The following OTUD7A variants were observed in gnomAD, a reference collection of about 807,000 sequenced individuals.
The protein encoded by OTUD7A is OTU domain-containing protein 7A.
OTUD7A carries 12 observed loss-of-function variants against 65.7 expected under a neutral mutation model. That is an observed-to-expected ratio of 0.18 (90% confidence interval 0.12 to 0.30). The LOEUF (loss-of-function observed/expected upper bound fraction) is 0.30, where lower values mean the gene tolerates loss of function less well. Ranked by LOEUF, OTUD7A falls within the 10% of genes least tolerant of loss-of-function variation. The pLI is 1.00. For missense variants in OTUD7A, 1,148 were observed against 1,304.8 expected (o/e 0.88, Z 1.85); for synonymous variants, 641 against 586.3 (o/e 1.09, Z -1.35).
intron 3 of OTUD7A, among the ~76,000 whole-genome samples, chr15:31,642,457 C>T (rs1251340172): frequency 6.6e-6 from 1 of 152,118 alleles, no homozygotes; most frequent in African/African-American, 2.4e-5. Context: ...CCTGGAAGAG[C>T]TGGTATAATT....
At chr15:31,626,484 G>A (rs1387076014) in intron 3 of OTUD7A, among the ~76,000 whole-genome samples, 3 of 152,296 alleles carry the variant, frequency 2.0e-5, no homozygotes, top group Non-Finnish European at 2.9e-5. Flanking sequence ...AAATATTTGA[G>A]AGTGGTGGGT....
chr15:31,587,693 C>T (rs1889589654), intron 3 of OTUD7A, among the ~76,000 whole-genome samples: 1 of 151,982 alleles, frequency 6.6e-6, no homozygotes, highest in Non-Finnish European at 1.5e-5. Context: ...CCTTTGAAAC[C>T]CCAGGGACTT....
chr15:31,504,218 C>T (rs181030299), intron 8 of OTUD7A, among the ~76,000 whole-genome samples: 1 of 152,200 alleles, frequency 6.6e-6, no homozygotes, highest in East Asian at 1.9e-4. Context: ...TTATTTCTCT[C>T]AGGGACCCAG....
At chr15:31,755,225 GTATTAA>G (rs1241332294) in intron 1 of OTUD7A, among the ~76,000 whole-genome samples, 1 of 152,014 alleles carries the variant, frequency 6.6e-6, no homozygotes. Context: ...AAGTGAGGAA[GTATTAA>G]TAATATGTGG....
intron 3 of OTUD7A, among the ~76,000 whole-genome samples, chr15:31,584,845 G>A (rs768669408): frequency 2.4e-4 from 37 of 152,142 alleles, no homozygotes; most frequent in African/African-American, 6.5e-4. Flanking sequence ...ATTTCTCTCC[G>A]GTTTGGTGAT....
intron 8 of OTUD7A, among the ~76,000 whole-genome samples, chr15:31,507,635 G>C (rs1002889210): frequency 4.7e-5 from 3 of 64,084 alleles, no homozygotes; most frequent in Non-Finnish European, 8.8e-5. Flanking sequence ...GCTGCTGGCT[G>C]GGGGGCGGGG....
In OTUD7A at chr15:31,480,232, T is replaced by A. The variant is rs971550339; in HGVS notation, c.*3062A>T. 3 of 152,156 alleles carry A rather than the reference T, an allele frequency of 2.0e-5. No individual in the cohort carries two copies. Among genetic ancestry groups the A allele is most frequent in the African/African-American group, 7.2e-5 (3 of 41,426 alleles). 9.4% of individuals were successfully genotyped at this position (152,156 alleles called of 1,614,324 possible). On this transcript the variant is annotated 3_prime_UTR_variant, in exon 13 of 13. Transcript: ENST00000307050. ...AATTTCAACGTAACACAGCATAAAG[T>A]CTACCAACAGAATACACTGAAAAAC...
At chr15:31,503,895 C>A in intron 8 of OTUD7A, 77 bp from the exon 9 acceptor site, 3 of 1,554,948 alleles carry the variant, frequency 1.9e-6, no homozygotes, top group Non-Finnish European at 2.6e-6. Flanking sequence ...CTGCTTCATG[C>A]AGGGGCTGAG....
At chr15:31,837,758 T>C (rs1200040270) in intron 1 of OTUD7A, among the ~76,000 whole-genome samples, 1 of 152,190 alleles carries the variant, frequency 6.6e-6, no homozygotes, top group Non-Finnish European at 1.5e-5. Context: ...AAGGTGTTTT[T>C]GTAAATATGG....
rs116812397 is a variant in OTUD7A at position 31,699,535 on chromosome 15, T to C, written c.-99-42458A>G. ...GCTGCTCATGTAGCAATAATATGCT[T>C]ATGTGACCAGAAGGCTGCAAAAAGC... is the stretch of plus-strand genomic sequence containing the variant. On this transcript the variant is annotated intron_variant, in intron 1 of 12. Transcript: ENST00000307050. Among the ~76,000 whole-genome samples the C allele has an allele frequency of 7.1e-3, 1,080 of 152,228 alleles. 17 individuals are homozygous for C. Among genetic ancestry groups the C allele is most frequent in the African/African-American group, 0.024 (996 of 41,524 alleles).
chr15:31,538,561 C>T (rs57414557), intron 5 of OTUD7A, among the ~76,000 whole-genome samples: 9,417 of 152,148 alleles, frequency 0.062, 985 homozygotes, highest in African/African-American at 0.22. Context: ...CTCACACATC[C>T]AGGACAAAAT....
intron 1 of OTUD7A, among the ~76,000 whole-genome samples, chr15:31,735,706 C>A (rs942930664): frequency 6.6e-6 from 1 of 152,218 alleles, no homozygotes; most frequent in Non-Finnish European, 1.5e-5. Context: ...AACCCCATTA[C>A]TGGGTATATA....
At chr15:31,781,271 C>T (rs1472678559) in intron 1 of OTUD7A, among the ~76,000 whole-genome samples, 4 of 152,052 alleles carry the variant, frequency 2.6e-5, no homozygotes, top group African/African-American at 4.8e-5. Context: ...TAAGAATGAC[C>T]CCAAGGTCAG....
At chr15:31,674,109 A>G (rs995373988) in intron 1 of OTUD7A, among the ~76,000 whole-genome samples, 16 of 152,222 alleles carry the variant, frequency 1.1e-4, no homozygotes, top group Admixed American at 3.3e-4. Flanking sequence ...AATATAAGAA[A>G]GGAACAGTTC....
Position 31,870,018 on chromosome 15 carries a change from G to A in OTUD7A, c.-100+489C>T, listed in dbSNP as rs555189598. Among the ~76,000 whole-genome samples, 444 of 151,682 alleles carry A rather than the reference G, an allele frequency of 2.9e-3. 1 individual carries two copies. The highest frequency in any genetic ancestry group is 0.01 in the African/African-American group (424 of 41,494). On this transcript the variant is annotated intron_variant, in intron 1 of 12. Coordinates refer to ENST00000307050, the MANE Select transcript of OTUD7A (RefSeq NM_001382637.1). ...GCGCCGGGCCGCGGGGACCCACGCA[G>A]TCACAGCTCCGGTGCCCGGCGAGCG...
intron 3 of OTUD7A, among the ~76,000 whole-genome samples, chr15:31,630,329 C>G (rs1386048791): frequency 1.3e-5 from 2 of 151,464 alleles, no homozygotes; most frequent in African/African-American, 4.9e-5. Flanking sequence ...ATCTTTATTT[C>G]TGCCTTCATT....
chr15:31,669,539 G>A (rs868332101), intron 1 of OTUD7A, among the ~76,000 whole-genome samples: 1 of 152,212 alleles, frequency 6.6e-6, no homozygotes, highest in Admixed American at 6.5e-5. Context: ...GGCAGTGGGT[G>A]AGCAGAGCTG....
In OTUD7A at chr15:31,510,258, A is replaced by G. The variant is rs570482991; in HGVS notation, c.894-6440T>C. Among the ~76,000 whole-genome samples, 3 of 151,130 alleles carry G rather than the reference A, an allele frequency of 2.0e-5. No individual in the cohort carries two copies. The East Asian group carries it at 5.8e-4, about 29-fold the overall frequency. ...TTAGTCGTAAGAGTTAGGTCCTTTC[A>G]TCTTGTTGGCTTTTCTTTCTGCGAC... On this transcript the variant is annotated intron_variant, in intron 8 of 12. Transcript: ENST00000307050.
intron 1 of OTUD7A, among the ~76,000 whole-genome samples, chr15:31,859,075 CA>C (rs1177397251): frequency 6.6e-6 from 1 of 152,216 alleles, no homozygotes; most frequent in Non-Finnish European, 1.5e-5. Flanking sequence ...TATAAAACTG[CA>C]AAGACATGAT....
Sources: allele counts gnomAD v4.1 joint callset (sites outside exome capture counted in the v4.1 genomes callset), GRCh38; gene constraint gnomAD v4.1.1; transcripts MANE v1.5; gene names NCBI Gene and HGNC (gene_info 2026-07-23, HGNC 2026-07-21).